DECR1: variants seen among roughly 807,000 people sequenced by gnomAD.
The protein encoded by DECR1 is 2,4-dienoyl-CoA reductase [(3E)-enoyl-CoA-producing], mitochondrial.
Under a neutral mutation model 38.8 loss-of-function variants are expected in DECR1, and 44 were observed. The ratio of observed to expected loss-of-function variants is 1.13; its 90% CI spans 0.89 to 1.46. The LOEUF (loss-of-function observed/expected upper bound fraction) is 1.46, where lower values mean the gene tolerates loss of function less well. Among genes scored for constraint, DECR1 ranks in the 40% most tolerant of loss-of-function variants. The pLI, the probability that DECR1 is intolerant of heterozygous loss-of-function variation, is 0.00. For missense variants in DECR1, 428 were observed against 405.5 expected, an observed-to-expected ratio of 1.06 and a Z score of -0.48; for synonymous variants, 148 against 135.2, an observed-to-expected ratio of 1.09 and a Z score of -0.66.
intron 8 of DECR1, 176 bp downstream of exon 8, chr8:90,045,171 A>T (rs1054578467): frequency 4.5e-6 from 2 of 442,572 alleles, no homozygotes; most frequent in African/African-American, 2.1e-5. Flanking sequence ...TTATTCAGTG[A>T]TGTATTAGTC....
At chr8:90,024,916 A>G (rs76263069) in intron 5 of DECR1, among the ~76,000 whole-genome samples, 25,429 of 152,116 alleles carry the variant, frequency 0.17, 2,590 homozygotes, top group South Asian at 0.29. Context: ...AAAGGAAGGG[A>G]TCCAGTTTCA....
At position 90,052,058 on chromosome 8, in the gene DECR1, G is replaced by A. The variant is rs1447717589; in HGVS notation, c.*161G>A. Reference sequence around the variant, plus strand: ...CAGTGATAGCCATTGTATATTCAAAGATAAATAAAATGAAATATAGTCCTT... The same window carrying A: ...CAGTGATAGCCATTGTATATTCAAAAATAAATAAAATGAAATATAGTCCTT... On this transcript the variant is annotated 3_prime_UTR_variant, in exon 10 of 10. Coordinates refer to ENST00000220764, the MANE Select transcript of DECR1 (RefSeq NM_001359.2). The A allele has an allele frequency of 2.8e-4, 144 of 510,620 alleles. No homozygotes were observed. Among genetic ancestry groups the A allele is most frequent in the Middle Eastern group, 1.1e-3 (2 of 1,894 alleles). The allele number at this position is 510,620 out of a possible 1,614,324, so 31.6% of individuals were successfully genotyped here.
rs755649161 is a variant in DECR1, at chr8:90,001,477, GT to G, written c.-14del. ...CCGCCTGCGCCGCCTTCCGGCCCGA[GT>G]TCTGGAGACTCAACATGAAGCTACC... On this transcript the variant is annotated 5_prime_UTR_variant, in exon 1 of 10. Coordinates refer to ENST00000220764, the MANE Select transcript of DECR1 (RefSeq NM_001359.2). The G allele has an allele frequency of 6.2e-7, 1 of 1,613,954 alleles. No individual in the cohort carries two copies. Among genetic ancestry groups the G allele is most frequent in the South Asian group, 1.1e-5 (1 of 91,088 alleles).
rs1165594281 is a variant in DECR1 at position 90,052,929 on chromosome 8, C to G, written c.*1032C>G. ...TCCATCTTACCTCATCTGAATAAAT[C>G]TGCCACAAGCCCATGGAAACCCCAA... On this transcript the variant is annotated 3_prime_UTR_variant, in exon 10 of 10. Coordinates refer to ENST00000220764, the MANE Select transcript of DECR1 (RefSeq NM_001359.2). 6.6e-6 allele frequency among the ~76,000 whole-genome samples: 1 copy of G among 152,154 alleles called. No individual in the cohort carries two copies. Among genetic ancestry groups the G allele is most frequent in the Non-Finnish European group, 1.5e-5 (1 of 68,014 alleles).
chr8:90,010,826 G>A (rs1388316360), intron 1 of DECR1, among the ~76,000 whole-genome samples: 1 of 152,092 alleles, frequency 6.6e-6, no homozygotes, highest in Non-Finnish European at 1.5e-5. Flanking sequence ...TTCAAGTAAG[G>A]TATATGTCCT....
chr8:90,002,508 A>G, intron 1 of DECR1, among the ~76,000 whole-genome samples: 1 of 148,352 alleles, frequency 6.7e-6, no homozygotes, highest in South Asian at 2.1e-4. Context: ...AAGCAATAAT[A>G]TCCAAGACAA....
rs922917882 is a variant in DECR1, at chr8:90,053,347, C to T, written c.*1450C>T. Among the ~76,000 whole-genome samples the T allele has an allele frequency of 7.2e-5, 11 of 152,300 alleles. No homozygotes were observed. The East Asian group carries it at 1.7e-3, about 24-fold the overall frequency. Reference sequence around the variant, plus strand: ...AGCAAAGTCATGTCTTACGTGGTGGCACCCAAGAGAGCTTGTGCAGGGGAA... The same window carrying T: ...AGCAAAGTCATGTCTTACGTGGTGGTACCCAAGAGAGCTTGTGCAGGGGAA... On this transcript the variant is annotated 3_prime_UTR_variant, in exon 10 of 10. Coordinates refer to ENST00000220764, the MANE Select transcript of DECR1 (RefSeq NM_001359.2).
At chr8:90,027,209 G>A (rs1176931735) in intron 5 of DECR1, among the ~76,000 whole-genome samples, 2 of 152,204 alleles carry the variant, frequency 1.3e-5, no homozygotes, top group African/African-American at 2.4e-5. Context: ...TTGATTTGGG[G>A]TGGAGAGTTC....
intron 8 of DECR1, 63 bp downstream of exon 8, chr8:90,045,058 T>C: frequency 1.3e-6 from 2 of 1,530,314 alleles, no homozygotes; most frequent in South Asian, 1.1e-5. Flanking sequence ...GGGAGGTCTG[T>C]TGTGGAACCA....
rs376370571 is a variant in DECR1, at chr8:90,052,092, TA to T, written c.*208del. 78,710 of 396,128 alleles carry T rather than the reference TA, an allele frequency of 0.2. 412 individuals carry two copies. The highest frequency in any genetic ancestry group is 0.32 in the East Asian group (7,703 of 24,346). The allele number at this position is 396,128 out of a possible 1,614,324, so 24.5% of individuals were successfully genotyped here. A position where few individuals can be genotyped will look rare whatever the true frequency, so the allele number is the denominator to read the frequency against. ...AATGAAATATAGTCCTTCAAAACAT[TA>T]AAAAAAAAAAAAGGAGGCATGGGGA... On this transcript the variant is annotated 3_prime_UTR_variant, in exon 10 of 10. Transcript: ENST00000220764.
chr8:90,014,405 T>TA (rs1812956732), intron 1 of DECR1, among the ~76,000 whole-genome samples: 2 of 152,192 alleles, frequency 1.3e-5, no homozygotes, highest in Non-Finnish European at 2.9e-5. Context: ...GAATTTATAT[T>TA]AACACATATG....
At chr8:90,006,547 C>A (rs565467330) in intron 1 of DECR1, among the ~76,000 whole-genome samples, 1 of 152,178 alleles carries the variant, frequency 6.6e-6, no homozygotes, top group East Asian at 1.9e-4. Flanking sequence ...CCTGAGTAAT[C>A]CTCTCATCTG....
chr8:90,049,754 A>G (rs1436250409), intron 8 of DECR1, among the ~76,000 whole-genome samples: 1 of 152,236 alleles, frequency 6.6e-6, no homozygotes, highest in East Asian at 1.9e-4. Flanking sequence ...AGCTGGCATC[A>G]TCACACTACC....
intron 1 of DECR1, chr8:90,015,539 AGGT>A: frequency 2.5e-6 from 1 of 393,192 alleles, no homozygotes; most frequent in South Asian, 1.9e-5. Context: ...TGCAATTTCC[AGGT>A]GATGAACAGC....
chr8:90,049,483 C>T (rs866939588), intron 8 of DECR1, among the ~76,000 whole-genome samples: 1 of 152,014 alleles, frequency 6.6e-6, no homozygotes, highest in African/African-American at 2.4e-5. Flanking sequence ...ATGTGAAGTA[C>T]CTCTTCAAGG....
At chr8:90,032,985 C>T (rs1169135541) in intron 5 of DECR1, among the ~76,000 whole-genome samples, 12 of 152,138 alleles carry the variant, frequency 7.9e-5, no homozygotes, top group African/African-American at 2.4e-4. Context: ...TTGCTGGATA[C>T]GCCCTATGTT....
chr8:90,011,049 G>A (rs1386942108), intron 1 of DECR1, among the ~76,000 whole-genome samples: 1 of 152,084 alleles, frequency 6.6e-6, no homozygotes, highest in Non-Finnish European at 1.5e-5. Flanking sequence ...CTATGAATAG[G>A]TTCTTGTGGA....
At position 90,031,904 on chromosome 8, in the gene DECR1, A is replaced by C. The variant is rs113029413; in HGVS notation, c.566-4937A>C. On this transcript the variant is annotated intron_variant, in intron 5 of 9. Transcript: ENST00000220764. The stretch of plus-strand genomic sequence containing the variant: ...TGATAGGTAAAGTTAAACAAGGATT[A>C]AAAAAAAATTAAGATACTTTATTTC... Among the ~76,000 whole-genome samples the C allele has an allele frequency of 9.9e-5, 15 of 151,934 alleles. No homozygotes were observed. The South Asian group carries it at 2.9e-3, about 30-fold the overall frequency.
In DECR1 at chr8:90,051,900, C is replaced by G. The variant is rs1814107953; in HGVS notation, c.*3C>G. ...TCAGGAAGACAAAAGGTTCCTAAGA[C>G]CACTTTGGCCTTCATCTTGGTTACA... is the stretch of plus-strand genomic sequence containing the variant. On this transcript the variant is annotated 3_prime_UTR_variant, in exon 10 of 10. Coordinates refer to ENST00000220764, the MANE Select transcript of DECR1 (RefSeq NM_001359.2). The G allele has an allele frequency of 6.2e-7, 1 of 1,613,162 alleles. No individual in the cohort carries two copies. Among genetic ancestry groups the G allele is most frequent in the Non-Finnish European group, 8.5e-7 (1 of 1,179,406 alleles).
Sources: gnomAD v4.1 joint callset for allele counts (sites outside exome capture counted in the v4.1 genomes callset) on GRCh38, gnomAD v4.1.1 for gene constraint, MANE v1.5 for transcripts, NCBI Gene and HGNC (gene_info 2026-07-23, HGNC 2026-07-21) for gene names.